Variants in STEAP1B observed in about 807,000 individuals in gnomAD.
STEAP1B encodes STEAP family member 1B, also known as STEAP family protein MGC87042.
A neutral mutation model predicts 27.9 loss-of-function variants in STEAP1B; 13 were observed. That is an observed-to-expected ratio of 0.47 (90% CI 0.30 to 0.74). The LOEUF is 0.74. Among genes scored for constraint, STEAP1B ranks in the 30% least tolerant of loss-of-function variants. STEAP1B has a pLI of 0.06. For missense variants in STEAP1B, 250 were observed against 298.7 expected, an observed-to-expected ratio of 0.84 and a Z score of 1.20; for synonymous variants, 86 against 107.1, an observed-to-expected ratio of 0.80 and a Z score of 1.22.
chr7:22,458,984 CTAAAGTCACCTA>C (rs1263411656), intron 4 of STEAP1B, among the ~76,000 whole-genome samples: 4 of 151,938 alleles, frequency 2.6e-5, no homozygotes, highest in African/African-American at 9.7e-5. Flanking sequence ...GAATCTGTTC[CTAAAGTCACCTA>C]TAAAGCCAAA....
At chr7:22,463,327 C>T (rs1455420995) in intron 4 of STEAP1B, among the ~76,000 whole-genome samples, 1 of 152,090 alleles carries the variant, frequency 6.6e-6, no homozygotes, top group South Asian at 2.1e-4. Context: ...AATGCAAGAA[C>T]ATTCCATGCT....
intron 4 of STEAP1B, among the ~76,000 whole-genome samples, chr7:22,490,778 G>A (rs936718858): frequency 6.6e-6 from 1 of 152,146 alleles, no homozygotes; most frequent in East Asian, 1.9e-4. Flanking sequence ...TTTTGGCAGA[G>A]GCATCCTTGC....
chr7:22,452,183 A>G (rs1785501530), intron 4 of STEAP1B, among the ~76,000 whole-genome samples: 1 of 152,198 alleles, frequency 6.6e-6, no homozygotes, highest in Non-Finnish European at 1.5e-5. Context: ...TGACTGAGGG[A>G]AAGGTAAGTA....
chr7:22,444,736 G>C (rs1785383648), intron 4 of STEAP1B, among the ~76,000 whole-genome samples: 1 of 152,250 alleles, frequency 6.6e-6, no homozygotes, highest in African/African-American at 2.4e-5. Flanking sequence ...ACCCTTTCCG[G>C]AACACTTGCT....
At chr7:22,445,723 C>A (rs904166047) in intron 4 of STEAP1B, among the ~76,000 whole-genome samples, 4 of 152,272 alleles carry the variant, frequency 2.6e-5, no homozygotes, top group African/African-American at 4.8e-5. Context: ...GCTCTCCAAG[C>A]AGCCCAACCC....
chr7:22,457,832 G>A (rs1336104652), intron 4 of STEAP1B, among the ~76,000 whole-genome samples: 1 of 152,190 alleles, frequency 6.6e-6, no homozygotes, highest in Non-Finnish European at 1.5e-5. Context: ...CCCACATGAT[G>A]ACATGGTATT....
chr7:22,443,782 GCCCCATCA>G (rs776418339), intron 4 of STEAP1B, among the ~76,000 whole-genome samples: 12 of 152,194 alleles, frequency 7.9e-5, no homozygotes, highest in Middle Eastern at 3.4e-3. Flanking sequence ...GCTCCCTCCT[GCCCCATCA>G]CCTAAGAGCC....
At chr7:22,424,945 A>T (rs1408139692) in intron 4 of STEAP1B, among the ~76,000 whole-genome samples, 1 of 152,160 alleles carries the variant, frequency 6.6e-6, no homozygotes, top group Non-Finnish European at 1.5e-5. Context: ...TTAATAAAAA[A>T]TATGTAGAAA....
intron 4 of STEAP1B, among the ~76,000 whole-genome samples, chr7:22,463,751 A>C (rs28552708): frequency 1.3e-5 from 2 of 152,076 alleles, no homozygotes; most frequent in African/African-American, 4.8e-5. Context: ...CTGGCTAGCC[A>C]TATGTAGAAA....
chr7:22,485,412 G>A (rs1786185633), intron 4 of STEAP1B, among the ~76,000 whole-genome samples: 1 of 152,182 alleles, frequency 6.6e-6, no homozygotes, highest in Non-Finnish European at 1.5e-5. Flanking sequence ...TAGCAATAAA[G>A]TATTTTAAAT....
intron 4 of STEAP1B, among the ~76,000 whole-genome samples, chr7:22,442,080 G>A (rs1181529596): frequency 6.6e-6 from 1 of 152,166 alleles, no homozygotes; most frequent in Non-Finnish European, 1.5e-5. Context: ...CCCTTTCTGG[G>A]TAAATGTTCT....
chr7:22,496,309 CAAT>C (rs1280574778), intron 1 of STEAP1B, among the ~76,000 whole-genome samples: 1 of 151,744 alleles, frequency 6.6e-6, no homozygotes, highest in Non-Finnish European at 1.5e-5. Flanking sequence ...AGAGTAAAAA[CAAT>C]AAGTTAATAA....
intron 4 of STEAP1B, among the ~76,000 whole-genome samples, chr7:22,434,322 C>G (rs1785227286): frequency 6.6e-6 from 1 of 152,204 alleles, no homozygotes; most frequent in Admixed American, 6.5e-5. Flanking sequence ...CTCCCGCCAA[C>G]TCCACAAGAA....
At position 22,498,802 on chromosome 7, in the gene STEAP1B, T is replaced by C. The variant is rs569092988; in HGVS notation, c.-32+1312A>G. Reference sequence around the variant, plus strand: ...CAGGTTGGCAGTGTTTGCTGACTGATTGCCACTACAAAGAGTCTGGGTGGA... The same window carrying C: ...CAGGTTGGCAGTGTTTGCTGACTGACTGCCACTACAAAGAGTCTGGGTGGA... On this transcript the variant is annotated intron_variant, in intron 1 of 4. Transcript: ENST00000678116. Among the ~76,000 whole-genome samples, 13 of 141,860 alleles carry C rather than the reference T, an allele frequency of 9.2e-5. No homozygotes were observed. The South Asian group carries it at 1.1e-3, about 12-fold the overall frequency. The allele number at this position is 141,860 out of a possible 152,430, so 93.1% of individuals were successfully genotyped here. A position where few individuals can be genotyped will look rare whatever the true frequency, so the allele number is the denominator to read the frequency against.
At chr7:22,459,228 A>G (rs1019120987) in intron 4 of STEAP1B, among the ~76,000 whole-genome samples, 1 of 152,240 alleles carries the variant, frequency 6.6e-6, no homozygotes, top group East Asian at 1.9e-4. Flanking sequence ...TCATGATTCT[A>G]TCAAAGGATA....
At chr7:22,428,629 C>A (rs532582853) in intron 4 of STEAP1B, among the ~76,000 whole-genome samples, 1 of 152,058 alleles carries the variant, frequency 6.6e-6, no homozygotes, top group Non-Finnish European at 1.5e-5. Context: ...ATTCTAAATA[C>A]AATATTAGCA....
At chr7:22,429,630 A>T (rs1785153143) in intron 4 of STEAP1B, among the ~76,000 whole-genome samples, 1 of 152,344 alleles carries the variant, frequency 6.6e-6, no homozygotes, top group Admixed American at 6.5e-5. Flanking sequence ...AGCCAGACAG[A>T]GTAGGCCCAC....
At chr7:22,459,126 C>T (rs1785636778) in intron 4 of STEAP1B, among the ~76,000 whole-genome samples, 1 of 152,208 alleles carries the variant, frequency 6.6e-6, no homozygotes, top group South Asian at 2.1e-4. Flanking sequence ...CTGTTTGACA[C>T]ACTCCATGCT....
intron 4 of STEAP1B, among the ~76,000 whole-genome samples, chr7:22,467,679 T>C (rs7808447): frequency 0.42 from 64,202 of 152,038 alleles, 14,816 homozygotes; most frequent in Non-Finnish European, 0.53. Context: ...TCTTCTCTTG[T>C]CTGCTGCCAT....
Sources: allele counts gnomAD v4.1 joint callset (sites outside exome capture counted in the v4.1 genomes callset), GRCh38; gene constraint gnomAD v4.1.1; transcripts MANE v1.5; gene names NCBI Gene and HGNC (gene_info 2026-07-23, HGNC 2026-07-21).